Variants in MGAT4B observed in about 807,000 individuals in gnomAD.
MGAT4B encodes alpha-1,3-mannosyl-glycoprotein 4-beta-N-acetylglucosaminyltransferase B, also known as N-acetylglucosaminyltransferase IVb.
MGAT4B carries 38 observed loss-of-function variants against 73.9 expected under a neutral mutation model. The ratio of observed to expected loss-of-function variants is 0.51; its 90% CI spans 0.40 to 0.67. The LOEUF (loss-of-function observed/expected upper bound fraction) is 0.67, where lower values mean the gene tolerates loss of function less well. Among genes scored for constraint, MGAT4B ranks in the 30% least tolerant of loss-of-function variants. The probability of loss-of-function intolerance (pLI) is 0.00; values close to 1 mark genes in which losing one functional copy is unlikely to be tolerated. For synonymous variants in MGAT4B, 373 were observed against 313.5 expected (o/e 1.19, Z -2.01); for missense variants, 686 against 735.2 (o/e 0.93, Z 0.77).
intron 8 of MGAT4B, 146 bp downstream of exon 8, chr5:179,799,808 G>A (rs1756827098): frequency 6.5e-6 from 8 of 1,235,462 alleles, no homozygotes; most frequent in Non-Finnish European, 8.1e-6. Context: ...CACAGGCAAT[G>A]AGAACAGGCC....
intron 11 of MGAT4B, 102 bp downstream of exon 11, chr5:179,798,826 A>G: frequency 7.2e-7 from 1 of 1,382,886 alleles, no homozygotes; most frequent in African/African-American, 1.4e-5. Flanking sequence ...CCCACTTCAG[A>G]TGCGGAAACT....
At position 179,801,239 on chromosome 5, in the gene MGAT4B, C is replaced by T; in HGVS notation, c.558+95G>A. 1 of 1,457,848 alleles carries T rather than the reference C, an allele frequency of 6.9e-7. No individual in the cohort carries two copies. The highest frequency in any genetic ancestry group is 2.2e-4 in the Middle Eastern group (1 of 4,530). 90.3% of individuals were successfully genotyped at this position (1,457,848 alleles called of 1,614,324 possible). On this transcript the variant is annotated intron_variant, in intron 4 of 14. Transcript: ENST00000292591. The surrounding 1 kb of genome is among the most constrained non-coding windows in gnomAD (Gnocchi z 4.8). ...GCGAATGAAACTAGCAACTGAACTT[C>T]CGACAGCTTTCTCCTCGGAATGGTT... is the stretch of plus-strand genomic sequence containing the variant.
rs747182303 is a variant in MGAT4B, at chr5:179,799,971, G to C, written c.893C>G (p.Ser298Cys). ...GGGCACACCAATGAAGCCCAGCTGG[G>C]AGAACTCCAGGATCATCCAGTCCTC... ...PSEDWMILEFSQLGFIGKMFK... is the reference protein window; with the variant it reads ...PSEDWMILEFCQLGFIGKMFK... Residue 298 changes from serine (S) to cysteine (C), a missense_variant, in exon 8 of 15, where the codon TCC becomes TGC. Transcript: ENST00000292591. The C allele has an allele frequency of 1.1e-5, 18 of 1,613,846 alleles. No homozygotes were observed. In the Admixed American group the frequency reaches 3.0e-4, roughly 27 times the overall value.
intron 8 of MGAT4B, 110 bp downstream of exon 8, chr5:179,799,844 G>A: frequency 1.6e-6 from 2 of 1,285,782 alleles, no homozygotes. Flanking sequence ...ACGCACACCA[G>A]GCAGGGCCCA....
At chr5:179,798,648 A>G (rs1258458819) in intron 11 of MGAT4B, 57 bp from the exon 12 acceptor site, 1 of 1,582,850 alleles carries the variant, frequency 6.3e-7, no homozygotes, top group Non-Finnish European at 8.6e-7. Flanking sequence ...CACAGCACCC[A>G]GGGCCCAGCA....
rs758840770 is a variant in MGAT4B, at chr5:179,801,241, G to C, written c.558+93C>G. 6 of 1,462,730 alleles carry C rather than the reference G, an allele frequency of 4.1e-6. No individual in the cohort carries two copies. Among genetic ancestry groups the C allele is most frequent in the Admixed American group, 2.4e-5 (1 of 41,122 alleles). The allele number at this position is 1,462,730 out of a possible 1,614,324, so 90.6% of individuals were successfully genotyped here. A position where few individuals can be genotyped will look rare whatever the true frequency, so the allele number is the denominator to read the frequency against. ...GAATGAAACTAGCAACTGAACTTCC[G>C]ACAGCTTTCTCCTCGGAATGGTTCC... On this transcript the variant is annotated intron_variant, in intron 4 of 14. Coordinates refer to ENST00000292591, the MANE Select transcript of MGAT4B (RefSeq NM_014275.5). This position sits in a 1 kb window ranked among gnomAD's most constrained non-coding sequence, Gnocchi z 4.8.
At chr5:179,804,712 C>T (rs1015154324) in intron 1 of MGAT4B, among the ~76,000 whole-genome samples, 9 of 152,170 alleles carry the variant, frequency 5.9e-5, no homozygotes, top group African/African-American at 2.2e-4. Context: ...CCTGGACCCC[C>T]GCTGGCTGCA....
intron 1 of MGAT4B, chr5:179,805,400 T>C (rs1757104615): frequency 6.6e-6 from 1 of 152,478 alleles, no homozygotes; most frequent in South Asian, 2.1e-4. Context: ...CTTGATAATA[T>C]ACCCCGCCAG....
chr5:179,801,061 G>C lies in MGAT4B; in HGVS notation c.559-108C>G. 2 of 1,404,650 alleles carry C rather than the reference G, an allele frequency of 1.4e-6. No homozygotes were observed. Among genetic ancestry groups the C allele is most frequent in the Non-Finnish European group, 2.0e-6 (2 of 1,007,974 alleles). The allele number at this position is 1,404,650 out of a possible 1,614,324, so 87.0% of individuals were successfully genotyped here. A position where few individuals can be genotyped will look rare whatever the true frequency, so the allele number is the denominator to read the frequency against. ...CAGATGCCCCCCACGTGGAGGGAGTGAGCCTGCTGTGCTGAGGGCGGAGTA... is the reference window on the plus strand; with the variant it reads ...CAGATGCCCCCCACGTGGAGGGAGTCAGCCTGCTGTGCTGAGGGCGGAGTA... On this transcript the variant is annotated intron_variant, in intron 4 of 14. Transcript: ENST00000292591. This position sits in a 1 kb window ranked among gnomAD's most constrained non-coding sequence, Gnocchi z 4.8.
rs774645038 is a variant in MGAT4B at position 179,801,316 on chromosome 5, G to A, written c.558+18C>T. The A allele has an allele frequency of 1.1e-5, 18 of 1,600,988 alleles. No homozygotes were observed. The highest frequency in any genetic ancestry group is 5.3e-5 in the African/African-American group (4 of 74,862). Reference sequence around the variant, plus strand: ...GCTCCTCTGAATGTCCCCCAACCCCGCGTCCCGGCTCACTCGCCTCGGCGA... The same window carrying A: ...GCTCCTCTGAATGTCCCCCAACCCCACGTCCCGGCTCACTCGCCTCGGCGA... On this transcript the variant is annotated intron_variant, in intron 4 of 14. Coordinates refer to ENST00000292591, the MANE Select transcript of MGAT4B (RefSeq NM_014275.5). The surrounding 1 kb of genome is among the most constrained non-coding windows in gnomAD (Gnocchi z 4.8).
chr5:179,803,320 C>T lies in MGAT4B; in HGVS notation c.98-1351G>A, dbSNP rs1249991368. The T allele has an allele frequency of 1.9e-5, 18 of 964,246 alleles. No individual in the cohort carries two copies. The African/African-American group carries it at 2.8e-4, about 15-fold the overall frequency. 59.7% of individuals were successfully genotyped at this position (964,246 alleles called of 1,614,324 possible). On this transcript the variant is annotated intron_variant, in intron 1 of 14. Coordinates refer to ENST00000292591, the MANE Select transcript of MGAT4B (RefSeq NM_014275.5). ...CGGGAGGGAAAGGGGAGTCAGATTA[C>T]TGGCTCTGCCAGGCTCCACGCTGGG...
At position 179,800,898 on chromosome 5, in the gene MGAT4B, A is replaced by G. The variant is rs763138437; in HGVS notation, c.605+9T>C. The stretch of plus-strand genomic sequence containing the variant: ...CCGCCACCAGCTCTCTGGGGTCGCC[A>G]GTACTCACAAGGCCTTGATGTTCTC... On this transcript the variant is annotated intron_variant, in intron 5 of 14. Coordinates refer to ENST00000292591, the MANE Select transcript of MGAT4B (RefSeq NM_014275.5). 1 of 1,612,546 alleles carries G rather than the reference A, an allele frequency of 6.2e-7. No homozygotes were observed. The highest frequency in any genetic ancestry group is 8.5e-7 in the Non-Finnish European group (1 of 1,179,538).
chr5:179,797,946 G>A lies in MGAT4B; in HGVS notation c.*99C>T, dbSNP rs1756720113. 1.3e-6 allele frequency: 2 copies of A among 1,485,306 alleles called. No homozygotes were observed. Among genetic ancestry groups the A allele is most frequent in the East Asian group, 4.9e-5 (2 of 40,414 alleles). The allele number at this position is 1,485,306 out of a possible 1,614,324, so 92.0% of individuals were successfully genotyped here. Reference sequence around the variant, plus strand: ...AGCCCGACGCCAGGCAGAACCCTTTGGGCGGGGCCGTATCTGGCCCTCCGG... The same window carrying A: ...AGCCCGACGCCAGGCAGAACCCTTTAGGCGGGGCCGTATCTGGCCCTCCGG... On this transcript the variant is annotated 3_prime_UTR_variant, in exon 15 of 15. Transcript: ENST00000292591.
rs760372996 is a variant in MGAT4B at position 179,801,528 on chromosome 5, G to A, written c.424+26C>T. ...CGGGGGCCACCCGTCCCCCCACCCC[G>A]TGCTCCTCCCTGTCTGCGCCCATAC... On this transcript the variant is annotated intron_variant, in intron 3 of 14. Transcript: ENST00000292591. This position sits in a 1 kb window ranked among gnomAD's most constrained non-coding sequence, Gnocchi z 4.8. The A allele has an allele frequency of 1.5e-5, 24 of 1,603,856 alleles. No homozygotes were observed. Among genetic ancestry groups the A allele is most frequent in the East Asian group, 2.2e-5 (1 of 44,548 alleles).
intron 1 of MGAT4B, among the ~76,000 whole-genome samples, chr5:179,803,963 C>T (rs920853375): frequency 2.0e-5 from 3 of 152,252 alleles, no homozygotes; most frequent in African/African-American, 7.2e-5. Context: ...CATGCTGGCA[C>T]CCTATAACCC....
chr5:179,801,162 T>C lies in MGAT4B; in HGVS notation c.558+172A>G, dbSNP rs980045388. Among the ~76,000 whole-genome samples, 1 of 151,692 alleles carries C rather than the reference T, an allele frequency of 6.6e-6. No homozygotes were observed. The highest frequency in any genetic ancestry group is 6.6e-5 in the Admixed American group (1 of 15,238). ...ACTAGGGGGTGGCGGGGGCGATGGG[T>C]AGGGGTAGAGGGTGCCAGAAAGCCC... is the stretch of plus-strand genomic sequence containing the variant. On this transcript the variant is annotated intron_variant, in intron 4 of 14. Transcript: ENST00000292591. The surrounding 1 kb of genome is among the most constrained non-coding windows in gnomAD (Gnocchi z 4.8).
intron 5 of MGAT4B, 61 bp from the exon 6 acceptor site, chr5:179,800,658 A>G: frequency 2.3e-6 from 3 of 1,280,516 alleles, no homozygotes; most frequent in Non-Finnish European, 3.3e-6. Context: ...GGCCGAGCCC[A>G]CCAGACTGTG....
intron 9 of MGAT4B, 85 bp from the exon 10 acceptor site, chr5:179,799,395 C>T: frequency 6.2e-7 from 1 of 1,604,890 alleles, no homozygotes; most frequent in Non-Finnish European, 8.5e-7. Context: ...AGGGCCCTCC[C>T]ACAGCTGACA....
Position 179,801,658 on chromosome 5 carries a change from C to G in MGAT4B, c.320G>C (p.Arg107Pro). The change falls in exon 3 of 15, where the codon CGG (arginine) becomes CCG (proline). Residue 107 changes from arginine to proline, a missense_variant. Physicochemically the swap from Arg to Pro is moderately radical, Grantham distance 103. Transcript: ENST00000292591. This position sits in a 1 kb window ranked among gnomAD's most constrained non-coding sequence, Gnocchi z 4.8. The part of the protein sequence containing the change: ...PRLKPWNGSH[R>P]HVLHLPTVFH... ...GACGGTGGGCAGGTGCAGCACGTGC[C>G]GGTGTGAGCCGTTCCACGGCTTCAA... is the stretch of plus-strand genomic sequence containing the variant. The G allele has an allele frequency of 6.2e-7, 1 of 1,606,688 alleles. No individual in the cohort carries two copies. The highest frequency in any genetic ancestry group is 2.2e-5 in the East Asian group (1 of 44,520).
Sources: allele counts gnomAD v4.1 joint callset (sites outside exome capture counted in the v4.1 genomes callset), GRCh38; gene constraint gnomAD v4.1.1; non-coding constraint Gnocchi (gnomAD v3.1); transcripts MANE v1.5; gene names NCBI Gene and HGNC (gene_info 2026-07-23, HGNC 2026-07-21).